The following KCNMB4 variants were observed in gnomAD, a reference collection of about 807,000 sequenced individuals.
KCNMB4 encodes calcium-activated potassium channel subunit beta-4.
KCNMB4 carries 3 observed loss-of-function variants against 20.7 expected under a neutral mutation model. That is an observed-to-expected ratio of 0.14 (90% confidence interval 0.07 to 0.37). The LOEUF (loss-of-function observed/expected upper bound fraction) is 0.37, where lower values mean the gene tolerates loss of function less well. Among genes scored for constraint, KCNMB4 ranks in the 10% least tolerant of loss-of-function variants. The probability of loss-of-function intolerance (pLI) is 1.00; values close to 1 mark genes in which losing one functional copy is unlikely to be tolerated. For synonymous variants in KCNMB4, 110 were observed against 113.4 expected (o/e 0.97, Z 0.19); for missense variants, 168 against 265.9 (o/e 0.63, Z 2.56).
chr12:70,415,739 C>T (rs1376163088), intron 2 of KCNMB4, among the ~76,000 whole-genome samples: 1 of 152,194 alleles, frequency 6.6e-6, no homozygotes, highest in Non-Finnish European at 1.5e-5. Context: ...ATTACCTCTG[C>T]ACTTTGTACA....
intron 2 of KCNMB4, 76 bp from the exon 3 acceptor site, chr12:70,430,409 G>A: frequency 6.7e-7 from 1 of 1,496,730 alleles, no homozygotes; most frequent in Non-Finnish European, 9.2e-7. Context: ...AGCAAGTTTG[G>A]CTTTAGGTTG....
intron 2 of KCNMB4, among the ~76,000 whole-genome samples, chr12:70,410,920 T>A (rs1266951022): frequency 3.3e-5 from 5 of 152,232 alleles, no homozygotes; most frequent in Non-Finnish European, 7.3e-5. Context: ...CATATGTTTT[T>A]AAATCCAGTT....
At chr12:70,410,636 G>A (rs1215458689) in intron 2 of KCNMB4, among the ~76,000 whole-genome samples, 2 of 152,152 alleles carry the variant, frequency 1.3e-5, no homozygotes. Context: ...AAACACATTT[G>A]CACCATAGCT....
At chr12:70,381,579 G>A (rs1435301065) in intron 1 of KCNMB4, among the ~76,000 whole-genome samples, 1 of 152,126 alleles carries the variant, frequency 6.6e-6, no homozygotes, top group East Asian at 1.9e-4. Context: ...CAATATGGAT[G>A]AACTTCAAAA....
intron 1 of KCNMB4, among the ~76,000 whole-genome samples, chr12:70,391,988 C>T (rs710655): frequency 0.22 from 32,976 of 152,014 alleles, 6,577 homozygotes; most frequent in African/African-American, 0.54. Flanking sequence ...TAGGAAGCAC[C>T]AGTTTTTTTT....
chr12:70,387,155 C>T (rs907202259), intron 1 of KCNMB4, among the ~76,000 whole-genome samples: 7 of 151,400 alleles, frequency 4.6e-5, no homozygotes, highest in Admixed American at 2.6e-4. Flanking sequence ...AAGCTTTTAT[C>T]ATATATTTCC....
chr12:70,420,782 G>T (rs1035711111), intron 2 of KCNMB4, among the ~76,000 whole-genome samples: 7 of 152,184 alleles, frequency 4.6e-5, no homozygotes, highest in Non-Finnish European at 5.9e-5. Flanking sequence ...CAGATTGCCA[G>T]GCGCAGTGGC....
In KCNMB4 at chr12:70,432,787, A is replaced by G. The variant is rs1869403035; in HGVS notation, c.*2134A>G. On this transcript the variant is annotated 3_prime_UTR_variant, in exon 3 of 3. Coordinates refer to ENST00000258111, the MANE Select transcript of KCNMB4 (RefSeq NM_014505.6). ...GAGTCCGAGAAATAATCATCTCTGC[A>G]TCACATTATGGGAGACGAAGTCTGC... The G allele has an allele frequency of 6.6e-6, 1 of 152,196 alleles. No homozygotes were observed. Among genetic ancestry groups the G allele is most frequent in the Non-Finnish European group, 1.5e-5 (1 of 68,050 alleles). The allele number at this position is 152,196 out of a possible 1,614,324, so 9.4% of individuals were successfully genotyped here. A position where few individuals can be genotyped will look rare whatever the true frequency, so the allele number is the denominator to read the frequency against.
chr12:70,388,973 T>C (rs1175373514), intron 1 of KCNMB4, among the ~76,000 whole-genome samples: 4 of 152,128 alleles, frequency 2.6e-5, no homozygotes, highest in Non-Finnish European at 5.9e-5. Context: ...TAGGGCTTTT[T>C]TTTTTTTCTG....
At chr12:70,377,140 AT>A (rs1243502025) in intron 1 of KCNMB4, among the ~76,000 whole-genome samples, 1 of 152,052 alleles carries the variant, frequency 6.6e-6, no homozygotes, top group African/African-American at 2.4e-5. Flanking sequence ...TGGATTAGTT[AT>A]TTTTTTCTTT....
chr12:70,422,575 C>A, intron 2 of KCNMB4: 1 of 554,920 alleles, frequency 1.8e-6, no homozygotes, highest in Non-Finnish European at 2.9e-6. Flanking sequence ...GTTGTATTTT[C>A]AATGGAAGAG....
chr12:70,418,862 T>C (rs145743456), intron 2 of KCNMB4, among the ~76,000 whole-genome samples: 354 of 152,318 alleles, frequency 2.3e-3, no homozygotes, highest in Non-Finnish European at 4.1e-3. Flanking sequence ...ATGCATACTT[T>C]GGGTTCATCG....
chr12:70,376,933 A>C (rs1416952513), intron 1 of KCNMB4, among the ~76,000 whole-genome samples: 3 of 152,112 alleles, frequency 2.0e-5, no homozygotes, highest in Non-Finnish European at 4.4e-5. Context: ...ATGTCTTGGA[A>C]TAAATTTTAT....
chr12:70,387,396 T>A (rs12425682), intron 1 of KCNMB4, among the ~76,000 whole-genome samples: 13,799 of 136,632 alleles, frequency 0.1, 743 homozygotes, highest in Admixed American at 0.17. Context: ...TTAAATTTTT[T>A]AATTTTTTTT....
chr12:70,401,270 C>T (rs1316861244), intron 2 of KCNMB4, among the ~76,000 whole-genome samples: 1 of 152,164 alleles, frequency 6.6e-6, no homozygotes, highest in Non-Finnish European at 1.5e-5. Context: ...AAGTGATCTG[C>T]CTGCCTCAGC....
chr12:70,419,774 A>G (rs1869003104), intron 2 of KCNMB4, among the ~76,000 whole-genome samples: 1 of 152,234 alleles, frequency 6.6e-6, no homozygotes, highest in Non-Finnish European at 1.5e-5. Context: ...TTACAAAGAC[A>G]AAAAGGATAT....
chr12:70,403,194 T>C (rs1254027333), intron 2 of KCNMB4, among the ~76,000 whole-genome samples: 2 of 151,786 alleles, frequency 1.3e-5, no homozygotes, highest in Non-Finnish European at 2.9e-5. Context: ...TATTTTATTT[T>C]ATTTTATTTT....
intron 2 of KCNMB4, among the ~76,000 whole-genome samples, chr12:70,424,071 G>A (rs531140239): frequency 2.0e-5 from 3 of 152,312 alleles, no homozygotes; most frequent in African/African-American, 7.2e-5. Flanking sequence ...AAAGGGAGAG[G>A]AAGAAAAGTT....
chr12:70,372,196 G>A (rs1883608178), intron 1 of KCNMB4, among the ~76,000 whole-genome samples: 1 of 152,176 alleles, frequency 6.6e-6, no homozygotes, highest in Non-Finnish European at 1.5e-5. Context: ...GGACCACAGT[G>A]AGCAAGGTGG....
Sources: allele counts gnomAD v4.1 joint callset (sites outside exome capture counted in the v4.1 genomes callset), GRCh38; gene constraint gnomAD v4.1.1; transcripts MANE v1.5; gene names NCBI Gene and HGNC (gene_info 2026-07-23, HGNC 2026-07-21).